DLG2: variants seen among roughly 807,000 people sequenced by gnomAD.
DLG2 encodes discs large MAGUK scaffold protein 2, also known as disks large homolog 2.
Under a neutral mutation model 132.5 loss-of-function variants are expected in DLG2, and 45 were observed. The ratio of observed to expected loss-of-function variants is 0.34; its 90% CI spans 0.27 to 0.44. The LOEUF (loss-of-function observed/expected upper bound fraction) is 0.44, where lower values mean the gene tolerates loss of function less well. Among genes scored for constraint, DLG2 ranks in the 20% least tolerant of loss-of-function variants. The pLI is 1.00. For missense variants in DLG2, 1,045 were observed against 1,196.9 expected (o/e 0.87, Z 1.87); for synonymous variants, 424 against 419.6 (o/e 1.01, Z -0.13).
At chr11:85,035,613 C>T (rs472375) in intron 6 of DLG2, among the ~76,000 whole-genome samples, 25,908 of 152,074 alleles carry the variant, frequency 0.17, 2,343 homozygotes, top group South Asian at 0.29. Flanking sequence ...GTGGGTATTA[C>T]GGTTCACAAT....
intron 6 of DLG2, among the ~76,000 whole-genome samples, chr11:84,920,134 T>C (rs933968221): frequency 4.6e-5 from 7 of 152,206 alleles, no homozygotes; most frequent in African/African-American, 1.7e-4. Flanking sequence ...AGTAAAACAA[T>C]TTACAAAGTG....
At chr11:85,037,271 T>C (rs1479248153) in intron 6 of DLG2, among the ~76,000 whole-genome samples, 1 of 152,204 alleles carries the variant, frequency 6.6e-6, no homozygotes. Flanking sequence ...GGAAAATGTA[T>C]AGGCTTTGTA....
chr11:84,210,144 A>T (rs922439979), intron 8 of DLG2, among the ~76,000 whole-genome samples: 1 of 151,856 alleles, frequency 6.6e-6, no homozygotes. Context: ...TTATATGGTC[A>T]TGGTGGTACA....
chr11:84,950,561 T>C (rs911663497), intron 6 of DLG2, among the ~76,000 whole-genome samples: 2 of 152,292 alleles, frequency 1.3e-5, no homozygotes, highest in East Asian at 3.9e-4. Flanking sequence ...AACAAAGATT[T>C]ATTGAGCTCC....
chr11:83,875,501 C>T (rs2064538120), intron 15 of DLG2, among the ~76,000 whole-genome samples: 1 of 152,040 alleles, frequency 6.6e-6, no homozygotes, highest in Admixed American at 6.6e-5. Flanking sequence ...ATTCTTACAA[C>T]AATTTTTCAC....
At chr11:85,597,605 C>T (rs186671766) in intron 3 of DLG2, among the ~76,000 whole-genome samples, 3 of 151,574 alleles carry the variant, frequency 2.0e-5, no homozygotes, top group Admixed American at 6.6e-5. Context: ...TTCAATAGAC[C>T]GATTTTCAAA....
At chr11:83,882,591 G>A (rs2066591176) in intron 15 of DLG2, among the ~76,000 whole-genome samples, 1 of 152,100 alleles carries the variant, frequency 6.6e-6, no homozygotes, top group Non-Finnish European at 1.5e-5. Flanking sequence ...TTTATTGGGA[G>A]AAATACCATT....
chr11:84,702,491 A>T (rs750912242), intron 6 of DLG2, among the ~76,000 whole-genome samples: 1 of 151,678 alleles, frequency 6.6e-6, no homozygotes, highest in Non-Finnish European at 1.5e-5. Flanking sequence ...TCTGGACTTA[A>T]AATGTAAAAG....
chr11:85,195,822 G>A (rs533346345), intron 4 of DLG2, among the ~76,000 whole-genome samples: 143 of 152,104 alleles, frequency 9.4e-4, no homozygotes, highest in African/African-American at 3.3e-3. Flanking sequence ...CACCGCGCCC[G>A]GCCGACAGTG....
intron 6 of DLG2, among the ~76,000 whole-genome samples, chr11:84,982,794 A>G (rs1389077611): frequency 6.6e-6 from 1 of 152,188 alleles, no homozygotes; most frequent in Non-Finnish European, 1.5e-5. Flanking sequence ...AAAAAAATCA[A>G]TATGGTACAT....
At position 83,668,848 on chromosome 11, in the gene DLG2, C is replaced by T. The variant is rs1279089863; in HGVS notation, c.1826-35523G>A. ...ATATATGTGTATATAAACACACACA[C>T]ACATATATATATATATATATTTTTT... is the stretch of plus-strand genomic sequence containing the variant. On this transcript the variant is annotated intron_variant, in intron 18 of 27. Coordinates refer to ENST00000376104, the MANE Select transcript of DLG2 (RefSeq NM_001142699.3). Among the ~76,000 whole-genome samples the T allele has an allele frequency of 6.2e-4, 65 of 104,406 alleles. 7 individuals carry two copies. Among genetic ancestry groups the T allele is most frequent in the African/African-American group, 2.0e-3 (40 of 19,744 alleles). 68.5% of individuals were successfully genotyped at this position (104,406 alleles called of 152,430 possible).
At chr11:83,512,532 T>C (rs542497468) in intron 21 of DLG2, among the ~76,000 whole-genome samples, 5 of 152,264 alleles carry the variant, frequency 3.3e-5, no homozygotes, top group African/African-American at 9.6e-5. Flanking sequence ...ATTTTATTTA[T>C]TTATTTATTT....
At chr11:85,045,712 T>C (rs993480928) in intron 6 of DLG2, among the ~76,000 whole-genome samples, 15 of 152,114 alleles carry the variant, frequency 9.9e-5, no homozygotes, top group African/African-American at 3.4e-4. Context: ...AAAAAACATA[T>C]GCCTACTTGT....
chr11:84,079,277 TG>T (rs1371194503), intron 10 of DLG2, among the ~76,000 whole-genome samples: 4 of 54,512 alleles, frequency 7.3e-5, no homozygotes, highest in African/African-American at 1.4e-4. Flanking sequence ...ATTTTTGGTT[TG>T]TTTTTTTTTT....
chr11:84,638,755 T>G (rs957289470), intron 6 of DLG2, among the ~76,000 whole-genome samples: 10 of 152,168 alleles, frequency 6.6e-5, no homozygotes, highest in Non-Finnish European at 1.0e-4. Context: ...CTCTGTATTA[T>G]CTTCAGAAAT....
intron 3 of DLG2, among the ~76,000 whole-genome samples, chr11:85,449,196 C>T (rs1432926269): frequency 6.6e-6 from 1 of 151,934 alleles, no homozygotes; most frequent in Admixed American, 6.6e-5. Flanking sequence ...CTTCCTGAAA[C>T]AGAGAATTAT....
At chr11:85,267,287 A>C (rs2077272799) in intron 4 of DLG2, among the ~76,000 whole-genome samples, 1 of 152,218 alleles carries the variant, frequency 6.6e-6, no homozygotes, top group Non-Finnish European at 1.5e-5. Context: ...GAATTCAGAC[A>C]TGCTGGTACC....
chr11:84,975,615 T>C (rs2054789129), intron 6 of DLG2, among the ~76,000 whole-genome samples: 1 of 151,978 alleles, frequency 6.6e-6, no homozygotes, highest in African/African-American at 2.4e-5. Context: ...AAAAAATCAA[T>C]TTACTTAAGC....
intron 6 of DLG2, among the ~76,000 whole-genome samples, chr11:84,866,526 C>T (rs1412125436): frequency 1.3e-5 from 2 of 152,286 alleles, no homozygotes; most frequent in Non-Finnish European, 2.9e-5. Flanking sequence ...TCTGCAGATG[C>T]TAGGTAGAGT....
Sources: allele counts gnomAD v4.1 joint callset (sites outside exome capture counted in the v4.1 genomes callset), GRCh38; gene constraint gnomAD v4.1.1; transcripts MANE v1.5; gene names NCBI Gene and HGNC (gene_info 2026-07-23, HGNC 2026-07-21).